The following NAALADL2 variants were observed in gnomAD, a reference collection of about 807,000 sequenced individuals.
The protein encoded by NAALADL2 is inactive N-acetylated-alpha-linked acidic dipeptidase-like protein 2.
In NAALADL2, 76 loss-of-function variants were observed where a neutral mutation model predicts 87.2. The ratio of observed to expected loss-of-function variants is 0.87; its 90% CI spans 0.72 to 1.05. NAALADL2 has a LOEUF of 1.05. NAALADL2 is among the 50% of genes least tolerant of loss of function. The pLI, the probability that NAALADL2 is intolerant of heterozygous loss-of-function variation, is 0.00. For missense variants in NAALADL2, 1,089 were observed against 945.8 expected, an observed-to-expected ratio of 1.15 and a Z score of -1.99; for synonymous variants, 354 against 331.0, an observed-to-expected ratio of 1.07 and a Z score of -0.75.
chr3:175,687,433 G>A (rs1375613865), intron 11 of NAALADL2, among the ~76,000 whole-genome samples: 1 of 152,106 alleles, frequency 6.6e-6, no homozygotes, highest in Non-Finnish European at 1.5e-5. Flanking sequence ...ATAGCTTTAT[G>A]AGTAGAAGAA....
chr3:175,013,299 A>ATTTTTT (rs1303778794), intron 1 of NAALADL2, among the ~76,000 whole-genome samples: 50 of 75,150 alleles, frequency 6.7e-4, no homozygotes, highest in East Asian at 1.8e-3. Flanking sequence ...ATATATATAT[A>ATTTTTT]TATTTTTTTT....
At chr3:175,362,645 A>G (rs1208943320) in intron 5 of NAALADL2, among the ~76,000 whole-genome samples, 1 of 148,222 alleles carries the variant, frequency 6.7e-6, no homozygotes, top group Non-Finnish European at 1.5e-5. Context: ...ATAAACATGC[A>G]TGTTGAAGAA....
At chr3:175,210,505 C>T (rs1283542345) in intron 2 of NAALADL2, among the ~76,000 whole-genome samples, 2 of 151,358 alleles carry the variant, frequency 1.3e-5, no homozygotes, top group Non-Finnish European at 3.0e-5. Context: ...TTGAAGAATA[C>T]ATAATATAAG....
At chr3:174,865,155 C>T (rs1218323008) in intron 1 of NAALADL2, among the ~76,000 whole-genome samples, 1 of 151,786 alleles carries the variant, frequency 6.6e-6, no homozygotes, top group Non-Finnish European at 1.5e-5. Context: ...CTTTAAACCC[C>T]TGATTAGTGT....
intron 3 of NAALADL2, among the ~76,000 whole-genome samples, chr3:174,797,841 A>G (rs1450581717): frequency 2.0e-5 from 3 of 152,058 alleles, no homozygotes; most frequent in Non-Finnish European, 4.4e-5. Flanking sequence ...TTTTTCATGT[A>G]TTATTTGAAG....
At chr3:174,913,118 CTG>C (rs1380765799) in intron 1 of NAALADL2, among the ~76,000 whole-genome samples, 2 of 152,060 alleles carry the variant, frequency 1.3e-5, no homozygotes, top group Non-Finnish European at 2.9e-5. Context: ...TAATGACAGA[CTG>C]GATAAAATAT....
chr3:174,600,573 G>A lies in NAALADL2; in HGVS notation c.-115+49936G>A, dbSNP rs1358495968. ...TTTAATTTTTGTGAGTACACGGTAA[G>A]TGCATTAGTCTGTTCTTGCACTGCT... On this transcript the variant is annotated intron_variant, in intron 2 of 3. Transcript: ENST00000434257. Among the ~76,000 whole-genome samples the A allele has an allele frequency of 2.6e-5, 4 of 152,016 alleles. No individual in the cohort carries two copies. The South Asian group carries it at 6.2e-4, about 24-fold the overall frequency.
chr3:175,415,261 A>G (rs1714383760), intron 5 of NAALADL2, among the ~76,000 whole-genome samples: 2 of 152,184 alleles, frequency 1.3e-5, no homozygotes, highest in Admixed American at 1.3e-4. Context: ...GCAACCATTT[A>G]ATGGATGAAT....
At chr3:174,664,024 G>T (rs1388259458) in intron 2 of NAALADL2, among the ~76,000 whole-genome samples, 2 of 151,942 alleles carry the variant, frequency 1.3e-5, no homozygotes, top group East Asian at 1.9e-4. Flanking sequence ...CCTGAACTCA[G>T]GTGACCCACC....
chr3:175,389,151 A>G (rs992312589), intron 5 of NAALADL2, among the ~76,000 whole-genome samples: 3 of 152,188 alleles, frequency 2.0e-5, no homozygotes, highest in African/African-American at 7.2e-5. Flanking sequence ...CATGGTACAG[A>G]AATTATAAAG....
intron 1 of NAALADL2, among the ~76,000 whole-genome samples, chr3:174,499,361 A>G (rs1053070193): frequency 6.6e-6 from 1 of 152,050 alleles, no homozygotes; most frequent in African/African-American, 2.4e-5. Flanking sequence ...ATATTCTCCT[A>G]TCCTGTGACT....
chr3:174,689,389 C>G (rs371556166), intron 2 of NAALADL2, among the ~76,000 whole-genome samples: 1 of 130,892 alleles, frequency 7.6e-6, no homozygotes, highest in African/African-American at 2.7e-5. Context: ...CTCTACCCCC[C>G]GCTTCACCTT....
intron 2 of NAALADL2, among the ~76,000 whole-genome samples, chr3:174,670,097 A>G (rs1472601656): frequency 1.3e-5 from 2 of 148,942 alleles, no homozygotes; most frequent in Non-Finnish European, 3.0e-5. Flanking sequence ...GTATCCTGCA[A>G]CTTTGCTAAA....
At chr3:175,224,925 A>C (rs569601594) in intron 2 of NAALADL2, among the ~76,000 whole-genome samples, 2 of 152,102 alleles carry the variant, frequency 1.3e-5, no homozygotes, top group African/African-American at 4.8e-5. Flanking sequence ...GATGTATTTC[A>C]TAAGTTTGGG....
intron 9 of NAALADL2, among the ~76,000 whole-genome samples, chr3:175,569,350 T>A (rs1717686447): frequency 6.6e-6 from 1 of 152,224 alleles, no homozygotes; most frequent in Non-Finnish European, 1.5e-5. Flanking sequence ...TTTCACTAGT[T>A]CTAATGAAAA....
At chr3:175,102,444 A>T (rs959174111) in intron 2 of NAALADL2, among the ~76,000 whole-genome samples, 1 of 152,110 alleles carries the variant, frequency 6.6e-6, no homozygotes, top group Non-Finnish European at 1.5e-5. Context: ...TTCATGTATG[A>T]ATTACTTTTT....
chr3:175,603,079 G>C (rs915549494), intron 10 of NAALADL2, among the ~76,000 whole-genome samples: 5 of 152,100 alleles, frequency 3.3e-5, no homozygotes, highest in Non-Finnish European at 7.4e-5. Flanking sequence ...CAATGCAGTA[G>C]CAGCTTCAGT....
intron 2 of NAALADL2, among the ~76,000 whole-genome samples, chr3:174,647,583 A>G (rs1002090462): frequency 2.0e-5 from 3 of 152,206 alleles, no homozygotes; most frequent in African/African-American, 7.2e-5. Flanking sequence ...GTTGAAATAA[A>G]TGGTCTAAGC....
chr3:174,968,845 A>G (rs866302931), intron 1 of NAALADL2, among the ~76,000 whole-genome samples: 11 of 152,254 alleles, frequency 7.2e-5, no homozygotes, highest in African/African-American at 2.4e-4. Flanking sequence ...CAAAGTTTTC[A>G]TTTGTGAATT....
Sources: allele counts gnomAD v4.1 joint callset (sites outside exome capture counted in the v4.1 genomes callset), GRCh38; gene constraint gnomAD v4.1.1; transcripts MANE v1.5; gene names NCBI Gene and HGNC (gene_info 2026-07-23, HGNC 2026-07-21).